HAVCR2: variants seen among roughly 807,000 people sequenced by gnomAD.
The protein encoded by HAVCR2 is hepatitis A virus cellular receptor 2.
In HAVCR2, 13 loss-of-function variants were observed where a neutral mutation model predicts 24.7. That is an observed-to-expected ratio of 0.53 (90% confidence interval 0.34 to 0.84). HAVCR2 has a LOEUF of 0.84. Ranked by LOEUF, HAVCR2 falls within the 40% of genes least tolerant of loss-of-function variation. The pLI is 0.01. For synonymous variants in HAVCR2, 154 were observed against 143.4 expected, an observed-to-expected ratio of 1.07 and a Z score of -0.53; for missense variants, 343 against 371.2, an observed-to-expected ratio of 0.92 and a Z score of 0.62.
At position 157,086,127 on chromosome 5, in the gene HAVCR2, C is replaced by A. The variant is rs1430122699; in HGVS notation, c.*975G>T. 2 of 152,164 alleles carry A rather than the reference C, an allele frequency of 1.3e-5. No individual in the cohort carries two copies. The highest frequency in any genetic ancestry group is 2.4e-5 in the African/African-American group (1 of 41,430). 9.4% of individuals were successfully genotyped at this position (152,164 alleles called of 1,614,324 possible). ...TCAGAGATATTTTCTTTCAAGCACA[C>A]AACAAGCAAAACTTGGCCAATACAC... On this transcript the variant is annotated 3_prime_UTR_variant, in exon 7 of 7. Coordinates refer to ENST00000307851, the MANE Select transcript of HAVCR2 (RefSeq NM_032782.5).
Position 157,095,402 on chromosome 5 carries a change from C to A in HAVCR2, c.580G>T (p.Asp194Tyr), listed in dbSNP as rs201195681. The change falls in exon 5 of 7, where the codon GAC (aspartate) becomes TAC (tyrosine). Residue 194 changes from aspartate to tyrosine, a missense_variant. Asp to Tyr is a radical substitution (Grantham distance 160, BLOSUM62 -3). Coordinates refer to ENST00000307851, the MANE Select transcript of HAVCR2 (RefSeq NM_032782.5). Reference protein sequence around the residue: ...RDSRLANDLRDSGATIRIGIY... With the variant: ...RDSRLANDLRYSGATIRIGIY... The stretch of plus-strand genomic sequence containing the variant: ...CCTATTCTGATGGTTGCTCCAGAGT[C>A]CCGTAAGTCATTGGCCAATCTAGAG... The A allele has an allele frequency of 2.0e-4, 323 of 1,614,004 alleles. 1 individual carries two copies. Among genetic ancestry groups the A allele is most frequent in the East Asian group, 4.5e-5 (2 of 44,888 alleles).
intron 5 of HAVCR2, among the ~76,000 whole-genome samples, chr5:157,091,136 T>G (rs1303380074): frequency 6.6e-6 from 1 of 152,030 alleles, no homozygotes; most frequent in Non-Finnish European, 1.5e-5. Context: ...ATTTAAAAGG[T>G]TGACTATAAT....
intron 3 of HAVCR2, among the ~76,000 whole-genome samples, chr5:157,102,545 T>C (rs566482361): frequency 6.6e-6 from 1 of 152,224 alleles, no homozygotes; most frequent in Non-Finnish European, 1.5e-5. Flanking sequence ...TTTCAATATT[T>C]TTTCTCAGTC....
chr5:157,108,175 A>C (rs1442613656), intron 1 of HAVCR2, among the ~76,000 whole-genome samples: 1 of 152,010 alleles, frequency 6.6e-6, no homozygotes, highest in African/African-American at 2.4e-5. Context: ...ACATTCAAAC[A>C]CTATCAAAGG....
In HAVCR2 at chr5:157,103,019, C is replaced by T. The variant is rs574904410; in HGVS notation, c.478+1647G>A. Among the ~76,000 whole-genome samples the T allele has an allele frequency of 3.5e-3, 537 of 151,546 alleles. 3 individuals are homozygous for T. Among genetic ancestry groups the T allele is most frequent in the Non-Finnish European group, 6.9e-3 (472 of 67,926 alleles). On this transcript the variant is annotated intron_variant, in intron 3 of 6. Transcript: ENST00000307851. ...ACAAGTATAAGGAAATGCACCACCT[C>T]GACAGGGAGTGAACTCCGTCTACAG...
intron 4 of HAVCR2, among the ~76,000 whole-genome samples, chr5:157,096,205 G>A (rs1285373099): frequency 6.8e-6 from 1 of 146,628 alleles, no homozygotes; most frequent in African/African-American, 2.5e-5. Context: ...ACGCCAACCT[G>A]GGCAACAGAG....
chr5:157,098,555 C>A (rs190128154), intron 4 of HAVCR2, among the ~76,000 whole-genome samples: 224 of 152,214 alleles, frequency 1.5e-3, no homozygotes, highest in African/African-American at 5.0e-3. Context: ...AATCTTTGAA[C>A]CTTCCACAGG....
rs552427515 is a variant in HAVCR2, at chr5:157,092,359, G to A, written c.676+2947C>T. On this transcript the variant is annotated intron_variant, in intron 5 of 6. Transcript: ENST00000307851. Reference sequence around the variant, plus strand: ...TGCCTATAATCCCAACATTTTGGGAGGCTGAGGTGGGAGGATTATTTAAGC... The same window carrying A: ...TGCCTATAATCCCAACATTTTGGGAAGCTGAGGTGGGAGGATTATTTAAGC... 2.5e-3 allele frequency among the ~76,000 whole-genome samples: 376 copies of A among 152,122 alleles called. 1 individual carries two copies. The highest frequency in any genetic ancestry group is 6.4e-3 in the African/African-American group (265 of 41,546).
Position 157,093,945 on chromosome 5 carries a change from C to T in HAVCR2, c.676+1361G>A, listed in dbSNP as rs145677576. Among the ~76,000 whole-genome samples, 56 of 151,956 alleles carry T rather than the reference C, an allele frequency of 3.7e-4. 2 individuals carry two copies. The highest frequency in any genetic ancestry group is 7.2e-4 in the Admixed American group (11 of 15,236). Reference sequence around the variant, plus strand: ...CCATCTCCAAAAAAACAAAAGTGTGCGAGGTTTTGGGGGTACTGGAAGTAT... The same window carrying T: ...CCATCTCCAAAAAAACAAAAGTGTGTGAGGTTTTGGGGGTACTGGAAGTAT... On this transcript the variant is annotated intron_variant, in intron 5 of 6. Transcript: ENST00000307851.
chr5:157,096,283 C>T (rs564216061), intron 4 of HAVCR2, among the ~76,000 whole-genome samples: 1 of 149,634 alleles, frequency 6.7e-6, no homozygotes, highest in Non-Finnish European at 1.5e-5. Context: ...GCTGAGTAAT[C>T]CTGTAGAGTT....
At position 157,086,039 on chromosome 5, in the gene HAVCR2, C is replaced by T. The variant is rs1230219215; in HGVS notation, c.*1063G>A. On this transcript the variant is annotated 3_prime_UTR_variant, in exon 7 of 7. Transcript: ENST00000307851. ...CACCAGGCAACAGAATTTGTGTCCC[C>T]GTCACTGCTTCTTCTTCTGTGAAAA... The T allele has an allele frequency of 2.6e-5, 4 of 152,136 alleles. No individual in the cohort carries two copies. Among genetic ancestry groups the T allele is most frequent in the African/African-American group, 7.2e-5 (3 of 41,424 alleles). The allele number at this position is 152,136 out of a possible 1,614,324, so 9.4% of individuals were successfully genotyped here.
chr5:157,097,250 A>ATT lies in HAVCR2; in HGVS notation c.522+1606_522+1607dup, dbSNP rs1221167508. The stretch of plus-strand genomic sequence containing the variant: ...GGGCTCCTGGATATGCCCTCAAGTA[A>ATT]TTTTTTTTTTTTTTTTTTTTTTGAG... On this transcript the variant is annotated intron_variant, in intron 4 of 6. Coordinates refer to ENST00000307851, the MANE Select transcript of HAVCR2 (RefSeq NM_032782.5). 7.5e-4 allele frequency among the ~76,000 whole-genome samples: 97 copies of ATT among 128,550 alleles called. 2 individuals carry two copies. The highest frequency in any genetic ancestry group is 1.8e-3 in the South Asian group (7 of 3,976). The allele number at this position is 128,550 out of a possible 152,430, so 84.3% of individuals were successfully genotyped here. A position where few individuals can be genotyped will look rare whatever the true frequency, so the allele number is the denominator to read the frequency against.
intron 3 of HAVCR2, among the ~76,000 whole-genome samples, chr5:157,101,963 T>G (rs973283169): frequency 9.5e-5 from 14 of 146,956 alleles, no homozygotes; most frequent in Non-Finnish European, 1.7e-4. Flanking sequence ...TTTTTTTTTT[T>G]TGGGATGGAA....
chr5:157,108,871 C>A, intron 1 of HAVCR2, 55 bp downstream of exon 1: 1 of 1,553,958 alleles, frequency 6.4e-7, no homozygotes, highest in South Asian at 1.1e-5. Flanking sequence ...GTATCTCTCC[C>A]TTGTCCTCTG....
intron 5 of HAVCR2, among the ~76,000 whole-genome samples, chr5:157,093,813 T>G (rs1199976971): frequency 6.6e-6 from 1 of 151,966 alleles, no homozygotes; most frequent in East Asian, 1.9e-4. Flanking sequence ...GGCGTGGTGG[T>G]ACATGCCTGT....
chr5:157,095,266 G>A, intron 5 of HAVCR2, 40 bp downstream of exon 5: 3 of 1,605,032 alleles, frequency 1.9e-6, no homozygotes, highest in Non-Finnish European at 2.6e-6. Flanking sequence ...TCTCACTGAA[G>A]AATTTGTTAT....
chr5:157,106,620 C>T lies in HAVCR2; in HGVS notation c.394+7G>A, dbSNP rs1268547916. On this transcript the variant is annotated splice_region_variant and intron_variant, in intron 2 of 6. Transcript: ENST00000307851. ...TTCATAAAGATGGCATGCAAATGTC[C>T]ACTCACCTGGTTTGATGACCAACTT... 5 of 1,606,490 alleles carry T rather than the reference C, an allele frequency of 3.1e-6. No homozygotes were observed. The highest frequency in any genetic ancestry group is 4.3e-6 in the Non-Finnish European group (5 of 1,173,258).
intron 3 of HAVCR2, among the ~76,000 whole-genome samples, chr5:157,100,428 AT>A (rs1317653518): frequency 6.6e-6 from 1 of 152,052 alleles, no homozygotes; most frequent in Non-Finnish European, 1.5e-5. Flanking sequence ...TCATTTGTTT[AT>A]TTCTTCATCT....
Position 157,103,276 on chromosome 5 carries a change from C to T in HAVCR2, c.478+1390G>A, listed in dbSNP as rs13185617. On this transcript the variant is annotated intron_variant, in intron 3 of 6. Transcript: ENST00000307851. Reference sequence around the variant, plus strand: ...GTCCCAGCTACTTGGGAGGCTGAGGCAGGAGAATGGCGTGAACCCAGGAGG... The same window carrying T: ...GTCCCAGCTACTTGGGAGGCTGAGGTAGGAGAATGGCGTGAACCCAGGAGG... Among the ~76,000 whole-genome samples, 699 of 151,928 alleles carry T rather than the reference C, an allele frequency of 4.6e-3. 1 individual carries two copies. The highest frequency in any genetic ancestry group is 7.3e-3 in the Non-Finnish European group (496 of 67,982).
Sources: allele counts gnomAD v4.1 joint callset (sites outside exome capture counted in the v4.1 genomes callset), GRCh38; gene constraint gnomAD v4.1.1; transcripts MANE v1.5; gene names NCBI Gene and HGNC (gene_info 2026-07-23, HGNC 2026-07-21).